The following PLEKHS1 variants were observed in gnomAD, a reference collection of about 807,000 sequenced individuals.
PLEKHS1 encodes pleckstrin homology domain containing S1.
Under a neutral mutation model 51.0 loss-of-function variants are expected in PLEKHS1, and 55 were observed. That is an observed-to-expected ratio of 1.08 (90% confidence interval 0.87 to 1.35). PLEKHS1 has a LOEUF of 1.35. Ranked by LOEUF, PLEKHS1 falls within the 40% of genes most tolerant of loss-of-function variation. The pLI, the probability that PLEKHS1 is intolerant of heterozygous loss-of-function variation, is 0.00. For missense variants in PLEKHS1, 398 were observed against 423.0 expected (o/e 0.94, Z 0.52); for synonymous variants, 153 against 144.8 (o/e 1.06, Z -0.41).
intron 2 of PLEKHS1, chr10:113,765,090 C>T: frequency 3.0e-6 from 1 of 329,746 alleles, no homozygotes; most frequent in East Asian, 4.9e-5. Context: ...TCATGTTTTC[C>T]TTCCTCTTTG....
At chr10:113,769,417 A>G (rs1040854287) in intron 6 of PLEKHS1, among the ~76,000 whole-genome samples, 1 of 152,184 alleles carries the variant, frequency 6.6e-6, no homozygotes, top group Non-Finnish European at 1.5e-5. Context: ...CATGTTTTCT[A>G]GGTTGTTCCA....
At chr10:113,780,946 A>T in exon 12 of PLEKHS1, 1 of 665,716 alleles carries the variant, frequency 1.5e-6, no homozygotes. Context: ...ATTGTATCAG[A>T]GATGCTAAGA....
chr10:113,771,974 T>C, exon 8 of PLEKHS1: 1 of 1,609,822 alleles, frequency 6.2e-7, no homozygotes, highest in Non-Finnish European at 8.5e-7. Flanking sequence ...CTTCAGCATT[T>C]AATGGAACAA....
At chr10:113,754,391 C>T (rs1340762675) in intron 1 of PLEKHS1, among the ~76,000 whole-genome samples, 1 of 152,154 alleles carries the variant, frequency 6.6e-6, no homozygotes, top group Non-Finnish European at 1.5e-5. Flanking sequence ...CAGCCCTTCC[C>T]CTGAGGGAGT....
chr10:113,753,148 T>G (rs1034915962), intron 1 of PLEKHS1, among the ~76,000 whole-genome samples: 3 of 152,134 alleles, frequency 2.0e-5, no homozygotes, highest in African/African-American at 7.2e-5. Flanking sequence ...CACCCACAGC[T>G]AATCTCTCCT....
intron 11 of PLEKHS1, among the ~76,000 whole-genome samples, chr10:113,776,336 G>C (rs1225279315): frequency 6.6e-6 from 1 of 152,116 alleles, no homozygotes; most frequent in African/African-American, 2.4e-5. Context: ...AGACACAAAA[G>C]ACTGTGTGGC....
chr10:113,769,680 T>C lies in PLEKHS1; in HGVS notation c.436-104T>C, dbSNP rs144538578. ...CAGGCCAGCGGCATGAATGTTAGAT[T>C]GCTATGGGAAAAGACAGGAGGCAAG... is the stretch of plus-strand genomic sequence containing the variant. On this transcript the variant is annotated intron_variant, in intron 6 of 11. Coordinates refer to ENST00000361048, the Ensembl canonical transcript of PLEKHS1. 1.0e-3 allele frequency: 777 copies of C among 742,226 alleles called. 7 individuals are homozygous for C. The African/African-American group carries it at 0.012, about 12-fold the overall frequency. The allele number at this position is 742,226 out of a possible 1,614,324, so 46.0% of individuals were successfully genotyped here.
intron 1 of PLEKHS1, among the ~76,000 whole-genome samples, chr10:113,755,010 C>G (rs1854039362): frequency 6.6e-6 from 1 of 152,194 alleles, no homozygotes; most frequent in Non-Finnish European, 1.5e-5. Context: ...TCAGTCTTCT[C>G]AACAACACCT....
At chr10:113,779,327 T>G (rs946002363) in intron 11 of PLEKHS1, among the ~76,000 whole-genome samples, 17 of 152,052 alleles carry the variant, frequency 1.1e-4, no homozygotes, top group Non-Finnish European at 1.5e-5. Context: ...CCCCAGCACT[T>G]TGGGAGGCGG....
chr10:113,766,652 G>A lies in PLEKHS1; in HGVS notation c.158G>A (p.Gly53Glu). Residue 53 changes from glycine (G) to glutamate (E), a missense_variant, in exon 4 of 12, where the codon GGG (glycine) becomes GAG (glutamate). Gly to Glu is a moderately conservative substitution (Grantham distance 98). Coordinates refer to ENST00000361048, the Ensembl canonical transcript of PLEKHS1. Reference sequence around the variant, plus strand: ...CGGTTTTTCATCCTGTCAAAGGCTGGGGAAAAGAGCTTTAGTCTTTCCTAT... The same window carrying A: ...CGGTTTTTCATCCTGTCAAAGGCTGAGGAAAAGAGCTTTAGTCTTTCCTAT... 1 of 1,612,858 alleles carries A rather than the reference G, an allele frequency of 6.2e-7. No individual in the cohort carries two copies. Among genetic ancestry groups the A allele is most frequent in the African/African-American group, 1.3e-5 (1 of 74,920 alleles).
intron 11 of PLEKHS1, among the ~76,000 whole-genome samples, chr10:113,779,901 C>T (rs905183891): frequency 1.1e-4 from 16 of 152,266 alleles, no homozygotes; most frequent in Admixed American, 3.9e-4. Context: ...TAGAAAATTC[C>T]CTTACTTTCC....
rs1374979172 is a variant in PLEKHS1 at position 113,766,820 on chromosome 10, C to G, written c.224+102C>G. On this transcript the variant is annotated intron_variant, in intron 4 of 11. Transcript: ENST00000361048. ...AAATTTACATAATTGACCAAAGGAA[C>G]CTGCTTCAAGCTGATTATAATATTT... 6 of 860,358 alleles carry G rather than the reference C, an allele frequency of 7.0e-6. No homozygotes were observed. In the East Asian group the frequency reaches 1.1e-4, roughly 15 times the overall value. 53.3% of individuals were successfully genotyped at this position (860,358 alleles called of 1,614,324 possible).
intron 11 of PLEKHS1, chr10:113,777,917 GA>G: frequency 1.8e-6 from 1 of 555,658 alleles, no homozygotes; most frequent in East Asian, 4.5e-5. Context: ...TTGAGCCCAG[GA>G]ATTCAAGGTT....
intron 6 of PLEKHS1, among the ~76,000 whole-genome samples, chr10:113,769,208 C>T (rs1379300742): frequency 1.3e-5 from 2 of 152,122 alleles, no homozygotes; most frequent in Non-Finnish European, 1.5e-5. Context: ...TGACAAGCTC[C>T]CTTTTGAATG....
chr10:113,766,352 G>T, intron 2 of PLEKHS1, 59 bp from the exon 3 acceptor site: 3 of 1,027,728 alleles, frequency 2.9e-6, no homozygotes, highest in East Asian at 4.8e-5. Flanking sequence ...TTTTCCAATT[G>T]AGGCAGTTCT....
At chr10:113,774,900 A>C in exon 10 of PLEKHS1, 1 of 1,614,178 alleles carries the variant, frequency 6.2e-7, no homozygotes, top group African/African-American at 1.3e-5. Context: ...GAGACCCAGG[A>C]TGGGGACCTC....
chr10:113,777,753 A>G (rs1300973156), intron 11 of PLEKHS1: 12 of 1,458,366 alleles, frequency 8.2e-6, no homozygotes, highest in Non-Finnish European at 9.9e-6. Flanking sequence ...ATTCAAGCCC[A>G]TTTTTTAAAG....
At chr10:113,752,945 T>A (rs570042216) in intron 1 of PLEKHS1, among the ~76,000 whole-genome samples, 1 of 152,284 alleles carries the variant, frequency 6.6e-6, no homozygotes, top group African/African-American at 2.4e-5. Context: ...CTCAGTCTTC[T>A]CTCAAATGCA....
chr10:113,756,861 G>A (rs112457244), intron 2 of PLEKHS1, among the ~76,000 whole-genome samples: 1,891 of 151,316 alleles, frequency 0.012, 45 homozygotes, highest in African/African-American at 0.043. Context: ...AGTAACTGTT[G>A]AAGCATTTTG....
Sources: gnomAD v4.1 joint callset for allele counts (sites outside exome capture counted in the v4.1 genomes callset) on GRCh38, gnomAD v4.1.1 for gene constraint, MANE v1.5 for transcripts, NCBI Gene and HGNC (gene_info 2026-07-23, HGNC 2026-07-21) for gene names.